POLR1E: variants seen among roughly 807,000 people sequenced by gnomAD.
The protein encoded by POLR1E is RNA polymerase I subunit E.
Under a neutral mutation model 50.9 loss-of-function variants are expected in POLR1E, and 37 were observed. That is an observed-to-expected ratio of 0.73 (90% CI 0.56 to 0.96). POLR1E has a LOEUF of 0.96. Ranked by LOEUF, POLR1E falls within the 40% of genes least tolerant of loss-of-function variation. The pLI is 0.00. For synonymous variants in POLR1E, 166 were observed against 191.6 expected (o/e 0.87, Z 1.10); for missense variants, 426 against 518.1 (o/e 0.82, Z 1.73).
intron 4 of POLR1E, among the ~76,000 whole-genome samples, chr9:37,490,026 C>T (rs1383822447): frequency 6.6e-6 from 1 of 151,948 alleles, no homozygotes; most frequent in Admixed American, 6.6e-5. Context: ...GCAATCTGAG[C>T]AATGATCAGA....
chr9:37,500,771 T>C, intron 9 of POLR1E, 69 bp from the exon 10 acceptor site: 2 of 1,326,964 alleles, frequency 1.5e-6, no homozygotes, highest in Non-Finnish European at 2.2e-6. Context: ...GCCTTTTCTC[T>C]TAGCTCATGG....
chr9:37,489,404 G>C lies in POLR1E; in HGVS notation c.343+4G>C, dbSNP rs761549048. On this transcript the variant is annotated splice_donor_region_variant and intron_variant, in intron 4 of 11. Transcript: ENST00000377798. ...AACATGCAGCCACTATTTTCAGGTA[G>C]GTCCCAGTCATGAAAGCTGACAGAA... 1 of 1,580,990 alleles carries C rather than the reference G, an allele frequency of 6.3e-7. No homozygotes were observed. The highest frequency in any genetic ancestry group is 8.6e-7 in the Non-Finnish European group (1 of 1,167,510).
At chr9:37,487,978 G>A (rs543568284) in intron 3 of POLR1E, 39 bp downstream of exon 3, 1 of 1,596,678 alleles carries the variant, frequency 6.3e-7, no homozygotes, top group South Asian at 1.1e-5. Context: ...GGGTGATGGG[G>A]TTGGGAGTGG....
At chr9:37,495,787 C>T in intron 7 of POLR1E, 103 bp from the exon 8 acceptor site, 3 of 817,858 alleles carry the variant, frequency 3.7e-6, no homozygotes, top group African/African-American at 1.7e-5. Flanking sequence ...ATCTTTGGCT[C>T]TCTGAGCCTG....
At position 37,486,226 on chromosome 9, in the gene POLR1E, G is replaced by A. The variant is rs996287168; in HGVS notation, c.76+103G>A. ...CTCCGTTGGGCTTCTCCCCAGCGGG[G>A]CCGGGACCCCTCTAGTCTCCACCAC... On this transcript the variant is annotated intron_variant, in intron 1 of 11. Transcript: ENST00000377798. 1.3e-4 allele frequency: 188 copies of A among 1,414,928 alleles called. No individual in the cohort carries two copies. The African/African-American group carries it at 2.4e-3, about 18-fold the overall frequency. The allele number at this position is 1,414,928 out of a possible 1,614,324, so 87.6% of individuals were successfully genotyped here.
At chr9:37,498,868 G>A (rs936586229) in intron 9 of POLR1E, among the ~76,000 whole-genome samples, 3 of 152,184 alleles carry the variant, frequency 2.0e-5, no homozygotes, top group African/African-American at 7.2e-5. Flanking sequence ...GTATAGTCAT[G>A]TGTCGCTTAA....
chr9:37,503,285 G>C lies in POLR1E; in HGVS notation c.*83G>C, dbSNP rs1345535747. On this transcript the variant is annotated 3_prime_UTR_variant, in exon 12 of 12. Coordinates refer to ENST00000377798, the MANE Select transcript of POLR1E (RefSeq NM_022490.4). The stretch of plus-strand genomic sequence containing the variant: ...TCATTTCCATTTTTATGTATGTTTT[G>C]AAAAGAAAAGGTCCGGGGATGGTGG... The C allele has an allele frequency of 2.7e-6, 4 of 1,474,012 alleles. No homozygotes were observed. Among genetic ancestry groups the C allele is most frequent in the Admixed American group, 4.7e-5 (2 of 42,134 alleles). 91.3% of individuals were successfully genotyped at this position (1,474,012 alleles called of 1,614,324 possible).
intron 4 of POLR1E, among the ~76,000 whole-genome samples, chr9:37,491,944 T>C (rs1304923949): frequency 6.6e-6 from 1 of 152,238 alleles, no homozygotes; most frequent in African/African-American, 2.4e-5. Flanking sequence ...ATATTTTTGT[T>C]GTTATATGTA....
rs1469588455 is a variant in POLR1E, at chr9:37,487,844, TC to T, written c.181-15del. The T allele has an allele frequency of 6.2e-7, 1 of 1,612,576 alleles. No homozygotes were observed. Among genetic ancestry groups the T allele is most frequent in the Admixed American group, 1.7e-5 (1 of 60,010 alleles). On this transcript the variant is annotated intron_variant, in intron 2 of 11. Transcript: ENST00000377798. ...TTCAACATTGGTTGTAAATGGAGTT[TC>T]CCCTCTCTGCATTTTAGGCAGCTGA...
chr9:37,486,630 G>A (rs752124432), intron 1 of POLR1E, 73 bp from the exon 2 acceptor site: 2 of 1,614,012 alleles, frequency 1.2e-6, no homozygotes, highest in African/African-American at 2.7e-5. Flanking sequence ...TGACAGTCTA[G>A]TCCCACCGTA....
At chr9:37,487,773 C>T in intron 2 of POLR1E, 90 bp from the exon 3 acceptor site, 1 of 1,255,466 alleles carries the variant, frequency 8.0e-7, no homozygotes, top group Non-Finnish European at 1.2e-6. Flanking sequence ...AGTCTGGATT[C>T]AAAAGCCTCA....
rs115819573 is a variant in POLR1E at position 37,486,529 on chromosome 9, C to T, written c.77-174C>T. On this transcript the variant is annotated intron_variant, in intron 1 of 11. Transcript: ENST00000377798. Reference sequence around the variant, plus strand: ...CCAGGGTTCTCCCACCTCCCTACCTCCTCTTCTCAGCTGGCCCCGGATCTC... The same window carrying T: ...CCAGGGTTCTCCCACCTCCCTACCTTCTCTTCTCAGCTGGCCCCGGATCTC... 8.5e-4 allele frequency: 1,324 copies of T among 1,565,632 alleles called. 12 individuals carry two copies. The African/African-American group carries it at 0.016, about 19-fold the overall frequency.
chr9:37,492,853 C>G, intron 5 of POLR1E, 138 bp downstream of exon 5: 1 of 762,402 alleles, frequency 1.3e-6, no homozygotes, highest in Non-Finnish European at 2.2e-6. Context: ...TTTCTCTGGA[C>G]AATTAGTTTG....
chr9:37,492,341 C>T (rs765858662), intron 4 of POLR1E: 9 of 1,298,614 alleles, frequency 6.9e-6, no homozygotes, highest in Non-Finnish European at 8.1e-6. Flanking sequence ...GTTTTCTAAT[C>T]CTGTCTCTGC....
In POLR1E at chr9:37,498,115, G is replaced by A. The variant is rs200922299; in HGVS notation, c.777G>A (p.Ala259=). Residue 259 remains alanine, a synonymous_variant, in exon 9 of 12, where the codon GCG becomes GCA. Coordinates refer to ENST00000377798, the MANE Select transcript of POLR1E (RefSeq NM_022490.4). ...ENSHCTFVIE[A]LKSLPSDVES... ...GCCATTGCACCTTTGTCATAGAAGC[G>A]TTGAAGTCTTTGCCATCAGATGTGG... 4.5e-5 allele frequency: 72 copies of A among 1,613,916 alleles called. No homozygotes were observed. The highest frequency in any genetic ancestry group is 5.3e-5 in the African/African-American group (4 of 74,902).
rs1820778724 is a variant in POLR1E at position 37,495,981 on chromosome 9, G to A, written c.747G>A (p.Glu249=). 1 of 1,612,644 alleles carries A rather than the reference G, an allele frequency of 6.2e-7. No homozygotes were observed. Among genetic ancestry groups the A allele is most frequent in the Non-Finnish European group, 8.5e-7 (1 of 1,178,680 alleles). The change falls in exon 8 of 12, where the codon GAG becomes GAA. Residue 249 remains glutamate, a synonymous_variant. Coordinates refer to ENST00000377798, the MANE Select transcript of POLR1E (RefSeq NM_022490.4). ...TSEEILKMIE[E]NSHCTFVIEA... ...AAGAAATACTGAAGATGATTGAGGAGAACAGGTACCCTGACTTAAGCAGAT... is the reference window on the plus strand; with the variant it reads ...AAGAAATACTGAAGATGATTGAGGAAAACAGGTACCCTGACTTAAGCAGAT...
At chr9:37,501,583 C>T (rs565310741) in intron 10 of POLR1E, 130 bp from the exon 11 acceptor site, 2 of 1,181,066 alleles carry the variant, frequency 1.7e-6, no homozygotes, top group Admixed American at 2.4e-5. Flanking sequence ...ACCCACATTC[C>T]TTTTCCTTTC....
At position 37,491,222 on chromosome 9, in the gene POLR1E, C is replaced by A. The variant is rs114005916; in HGVS notation, c.344-1435C>A. The stretch of plus-strand genomic sequence containing the variant: ...GTTCCTTAAATCTCAGAACTTGAAT[C>A]CTTAGTGATGCCCTTAAATACTGGG... On this transcript the variant is annotated intron_variant, in intron 4 of 11. Coordinates refer to ENST00000377798, the MANE Select transcript of POLR1E (RefSeq NM_022490.4). Among the ~76,000 whole-genome samples, 1,223 of 152,238 alleles carry A rather than the reference C, an allele frequency of 8.0e-3. 18 individuals are homozygous for A. The highest frequency in any genetic ancestry group is 0.028 in the African/African-American group (1,153 of 41,532).
chr9:37,490,859 T>G (rs970829555), intron 4 of POLR1E: 2 of 564,248 alleles, frequency 3.5e-6, no homozygotes, highest in African/African-American at 1.9e-5. Flanking sequence ...GAACATATAT[T>G]GGGTGCCTCT....
Sources: allele counts gnomAD v4.1 joint callset (sites outside exome capture counted in the v4.1 genomes callset), GRCh38; gene constraint gnomAD v4.1.1; transcripts MANE v1.5; gene names NCBI Gene and HGNC (gene_info 2026-07-23, HGNC 2026-07-21).